MAN1A1: variants seen among roughly 807,000 people sequenced by gnomAD.
MAN1A1 encodes mannosidase alpha class 1A member 1.
A neutral mutation model predicts 70.8 loss-of-function variants in MAN1A1; 29 were observed. The observed-to-expected ratio is 0.41, with a 90% CI of 0.31 to 0.56. The LOEUF is 0.56. MAN1A1 is among the 20% of genes least tolerant of loss of function. MAN1A1 has a pLI of 0.29. For missense variants in MAN1A1, 747 were observed against 841.3 expected, an observed-to-expected ratio of 0.89 and a Z score of 1.39; for synonymous variants, 349 against 330.1, an observed-to-expected ratio of 1.06 and a Z score of -0.62.
rs551660443 is a variant in MAN1A1, at chr6:119,256,741, T to C, written c.898-8387A>G. Among the ~76,000 whole-genome samples, 8 of 152,266 alleles carry C rather than the reference T, an allele frequency of 5.3e-5. No individual in the cohort carries two copies. In the East Asian group the frequency reaches 1.4e-3, roughly 26 times the overall value. ...AAAATGGGTCACTTCACTGTTCCAA[T>C]TTTCTCTTTTGTAAAATGGGAACAC... On this transcript the variant is annotated intron_variant, in intron 5 of 12. Coordinates refer to ENST00000368468, the MANE Select transcript of MAN1A1 (RefSeq NM_005907.4).
In MAN1A1 at chr6:119,179,055, G is replaced by C. The variant is rs1773078642; in HGVS notation, c.*764C>G. The C allele has an allele frequency of 6.6e-6, 1 of 152,102 alleles. No homozygotes were observed. Among genetic ancestry groups the C allele is most frequent in the African/African-American group, 2.4e-5 (1 of 41,434 alleles). The allele number at this position is 152,102 out of a possible 1,614,324, so 9.4% of individuals were successfully genotyped here. ...TAGCAGAGCTCTGCAAAATTTGAAA[G>C]CTCACCTCTCTGTGTAGTGGGGAAT... On this transcript the variant is annotated 3_prime_UTR_variant, in exon 13 of 13. Transcript: ENST00000368468.
chr6:119,326,834 T>G (rs140264480), intron 2 of MAN1A1, among the ~76,000 whole-genome samples: 1 of 152,286 alleles, frequency 6.6e-6, no homozygotes, highest in Non-Finnish European at 1.5e-5. Flanking sequence ...TTATGGGGAT[T>G]ACAATTCAAA....
chr6:119,348,792 C>G lies in MAN1A1; in HGVS notation c.274G>C (p.Ala92Pro), dbSNP rs888907724. 2 of 1,423,974 alleles carry G rather than the reference C, an allele frequency of 1.4e-6. No homozygotes were observed. Among genetic ancestry groups the G allele is most frequent in the Non-Finnish European group, 1.8e-6 (2 of 1,085,862 alleles). 88.2% of individuals were successfully genotyped at this position (1,423,974 alleles called of 1,614,324 possible). A position where few individuals can be genotyped will look rare whatever the true frequency, so the allele number is the denominator to read the frequency against. ...PAADHKPGPG[A>P]RAEDAAEGRA... ...CCCTCGGCCGCGTCCTCGGCGCGCG[C>G]CCCGGGCCCGGGCTTGTGGTCGGCG... Residue 92 changes from alanine (A) to proline (P), a missense_variant, in exon 2 of 13, where the codon GCG becomes CCG. Transcript: ENST00000368468.
At chr6:119,186,048 C>T (rs974703863) in intron 11 of MAN1A1, among the ~76,000 whole-genome samples, 12 of 152,090 alleles carry the variant, frequency 7.9e-5, no homozygotes, top group South Asian at 4.2e-4. Context: ...CTGCTGTCTT[C>T]GGATAATTGA....
intron 6 of MAN1A1, among the ~76,000 whole-genome samples, chr6:119,215,757 G>A (rs1014376161): frequency 8.5e-5 from 13 of 152,162 alleles, no homozygotes; most frequent in Admixed American, 4.6e-4. Flanking sequence ...TCCCAAGGGG[G>A]AAAACAGATA....
chr6:119,312,440 G>A (rs984374667), intron 2 of MAN1A1, among the ~76,000 whole-genome samples: 12 of 152,112 alleles, frequency 7.9e-5, no homozygotes, highest in African/African-American at 2.9e-4. Flanking sequence ...AAAGCAACTT[G>A]GGGGAAATTA....
intron 6 of MAN1A1, among the ~76,000 whole-genome samples, chr6:119,229,630 T>TA (rs1774620718): frequency 6.6e-6 from 1 of 152,214 alleles, no homozygotes; most frequent in Non-Finnish European, 1.5e-5. Flanking sequence ...TGAGTGTAAA[T>TA]ACTTTAACAA....
chr6:119,233,421 T>A (rs746463113), intron 6 of MAN1A1, among the ~76,000 whole-genome samples: 1 of 152,178 alleles, frequency 6.6e-6, no homozygotes, highest in Non-Finnish European at 1.5e-5. Context: ...TTTAAGCCAA[T>A]TAAAAAAATA....
chr6:119,234,896 G>A (rs976671953), intron 6 of MAN1A1, among the ~76,000 whole-genome samples: 1 of 152,098 alleles, frequency 6.6e-6, no homozygotes, highest in Non-Finnish European at 1.5e-5. Context: ...CTCACGTTGT[G>A]TCTCTGTCAA....
At position 119,184,716 on chromosome 6, in the gene MAN1A1, A is replaced by C. The variant is rs549433763; in HGVS notation, c.1719+3689T>G. On this transcript the variant is annotated intron_variant, in intron 11 of 12. Coordinates refer to ENST00000368468, the MANE Select transcript of MAN1A1 (RefSeq NM_005907.4). ...AAAAACCTGAAACTACCAAAAAAAAACCCCCTAAAGCCAAAAAAAAATCCC... is the reference window on the plus strand; with the variant it reads ...AAAAACCTGAAACTACCAAAAAAAACCCCCCTAAAGCCAAAAAAAAATCCC... Among the ~76,000 whole-genome samples the C allele has an allele frequency of 1.3e-3, 200 of 151,468 alleles. 1 individual carries two copies. Among genetic ancestry groups the C allele is most frequent in the African/African-American group, 3.9e-3 (160 of 41,170 alleles).
chr6:119,349,706 G>C lies in MAN1A1; in HGVS notation c.-387C>G. ...GGTGGGCGAGCGCGCCGACCTGCGG[G>C]CGAATGGCAGCGAGTAGAGCAGCAC... On this transcript the variant is annotated 5_prime_UTR_variant, in exon 1 of 13. Transcript: ENST00000368468. 1.0e-6 allele frequency: 1 copy of C among 985,806 alleles called. No homozygotes were observed. The highest frequency in any genetic ancestry group is 1.7e-5 in the African/African-American group (1 of 57,372). The allele number at this position is 985,806 out of a possible 1,614,324, so 61.1% of individuals were successfully genotyped here. A position where few individuals can be genotyped will look rare whatever the true frequency, so the allele number is the denominator to read the frequency against.
intron 11 of MAN1A1, 79 bp from the exon 12 acceptor site, chr6:119,180,506 G>T: frequency 2.6e-6 from 2 of 782,644 alleles, no homozygotes; most frequent in Non-Finnish European, 4.3e-6. Flanking sequence ...AGATTGTCAA[G>T]TTCAGATAAA....
chr6:119,239,392 A>G (rs1441380550), intron 6 of MAN1A1, among the ~76,000 whole-genome samples: 2 of 152,228 alleles, frequency 1.3e-5, no homozygotes, highest in African/African-American at 2.4e-5. Flanking sequence ...AACTGCAATT[A>G]ATAATTCTTC....
At chr6:119,196,558 G>C (rs1773574713) in intron 8 of MAN1A1, among the ~76,000 whole-genome samples, 1 of 152,142 alleles carries the variant, frequency 6.6e-6, no homozygotes, top group Non-Finnish European at 1.5e-5. Context: ...TGCTCTAAAG[G>C]TGAGGTGTAC....
At chr6:119,205,453 G>C (rs1354395494) in intron 6 of MAN1A1, among the ~76,000 whole-genome samples, 1 of 151,964 alleles carries the variant, frequency 6.6e-6, no homozygotes, top group East Asian at 1.9e-4. Context: ...ATTACCTAAG[G>C]TGCTAACTCA....
chr6:119,279,740 A>G (rs1418201286), intron 5 of MAN1A1, among the ~76,000 whole-genome samples: 1 of 152,200 alleles, frequency 6.6e-6, no homozygotes, highest in Non-Finnish European at 1.5e-5. Context: ...CTCATATTGC[A>G]AAGGATGCCT....
At chr6:119,273,181 T>A (rs987513585) in intron 5 of MAN1A1, among the ~76,000 whole-genome samples, 2 of 152,192 alleles carry the variant, frequency 1.3e-5, no homozygotes, top group Admixed American at 1.3e-4. Context: ...CCAAATCTGT[T>A]GTGATTTTCC....
chr6:119,310,060 ATGTT>A (rs1772657392), intron 2 of MAN1A1, among the ~76,000 whole-genome samples: 1 of 152,220 alleles, frequency 6.6e-6, no homozygotes, highest in African/African-American at 2.4e-5. Context: ...TACTCAGTAA[ATGTT>A]TGTGAATATA....
chr6:119,317,830 T>C (rs1772896203), intron 2 of MAN1A1, among the ~76,000 whole-genome samples: 1 of 151,662 alleles, frequency 6.6e-6, no homozygotes, highest in African/African-American at 2.4e-5. Flanking sequence ...GTAGAATTCA[T>C]AAAAATAGAT....
Sources: gnomAD v4.1 joint callset for allele counts (sites outside exome capture counted in the v4.1 genomes callset) on GRCh38, gnomAD v4.1.1 for gene constraint, MANE v1.5 for transcripts, NCBI Gene and HGNC (gene_info 2026-07-23, HGNC 2026-07-21) for gene names.